Variants in NAA60 observed in about 807,000 individuals in gnomAD.
The protein encoded by NAA60 is N-alpha-acetyltransferase 60.
NAA60 carries 8 observed loss-of-function variants against 26.1 expected under a neutral mutation model. The observed-to-expected ratio is 0.31, with a 90% CI of 0.18 to 0.55. The LOEUF (loss-of-function observed/expected upper bound fraction) is 0.55, where lower values mean the gene tolerates loss of function less well. NAA60 is among the 20% of genes least tolerant of loss of function. The probability of loss-of-function intolerance (pLI) is 0.93; values close to 1 mark genes in which losing one functional copy is unlikely to be tolerated. For missense variants in NAA60, 290 were observed against 311.3 expected, an observed-to-expected ratio of 0.93 and a Z score of 0.51; for synonymous variants, 131 against 122.5, an observed-to-expected ratio of 1.07 and a Z score of -0.46.
intron 2 of NAA60, among the ~76,000 whole-genome samples, chr16:3,450,433 G>A (rs975888332): frequency 5.3e-5 from 8 of 152,166 alleles, no homozygotes; most frequent in Admixed American, 6.5e-5. Context: ...GGGCGCAGTG[G>A]CTCATGCCTG....
At chr16:3,451,955 C>A (rs2034803564) in intron 2 of NAA60, among the ~76,000 whole-genome samples, 1 of 151,412 alleles carries the variant, frequency 6.6e-6, no homozygotes, top group South Asian at 2.1e-4. Context: ...CACCAGTAAT[C>A]CCAGAATCCC....
At position 3,462,060 on chromosome 16, in the gene NAA60, C is replaced by T. The variant is rs562952873; in HGVS notation, c.-7+13520C>T. 6.2e-5 allele frequency among the ~76,000 whole-genome samples: 8 copies of T among 128,724 alleles called. 1 individual carries two copies. The East Asian group carries it at 1.4e-3, about 22-fold the overall frequency. The allele number at this position is 128,724 out of a possible 152,430, so 84.4% of individuals were successfully genotyped here. A position where few individuals can be genotyped will look rare whatever the true frequency, so the allele number is the denominator to read the frequency against. Reference sequence around the variant, plus strand: ...TGAGATGGTGCCACTGCATTCCAGCCGGAGTGATAGAGCCAGACCTTATAT... The same window carrying T: ...TGAGATGGTGCCACTGCATTCCAGCTGGAGTGATAGAGCCAGACCTTATAT... On this transcript the variant is annotated intron_variant, in intron 2 of 7. Transcript: ENST00000407558.
chr16:3,453,141 A>T (rs77209598), intron 2 of NAA60, among the ~76,000 whole-genome samples: 7,677 of 152,070 alleles, frequency 0.05, 613 homozygotes, highest in African/African-American at 0.17. Context: ...TCACGCCTGT[A>T]ATCCTAGCAC....
Position 3,483,463 on chromosome 16 carries a change from A to C in NAA60, c.438A>C (p.Ala146=), listed in dbSNP as rs2036974626. The part of the protein sequence containing the change: ...YLHVLTTNNT[A]INFYENRDFK... ...ATGTCCTCACCACCAACAACACAGCAATAAACTTCTATGAAAACAGAGACT... is the reference window on the plus strand; with the variant it reads ...ATGTCCTCACCACCAACAACACAGCCATAAACTTCTATGAAAACAGAGACT... Residue 146 remains alanine (A), a synonymous_variant, in exon 6 of 8, where the codon GCA becomes GCC. Transcript: ENST00000407558. 8.7e-6 allele frequency: 14 copies of C among 1,613,996 alleles called. No individual in the cohort carries two copies. Among genetic ancestry groups the C allele is most frequent in the Non-Finnish European group, 1.2e-5 (14 of 1,179,884 alleles).
At chr16:3,459,009 A>G (rs929305029) in intron 2 of NAA60, among the ~76,000 whole-genome samples, 3 of 152,150 alleles carry the variant, frequency 2.0e-5, no homozygotes, top group Non-Finnish European at 2.9e-5. Context: ...AAACGTGGAC[A>G]TTGGCCGTTT....
In NAA60 at chr16:3,482,465, C is replaced by T. The variant is rs201338321; in HGVS notation, c.241-37C>T. ...GCTGTGCAGTGAGCCGTGCACCAGA[C>T]GTGTGAGCCTGACTTTCTCTCTGAC... On this transcript the variant is annotated intron_variant, in intron 4 of 7. Transcript: ENST00000407558. The T allele has an allele frequency of 4.6e-6, 7 of 1,513,724 alleles. No homozygotes were observed. The South Asian group carries it at 4.8e-5, about 10-fold the overall frequency. 93.8% of individuals were successfully genotyped at this position (1,513,724 alleles called of 1,614,324 possible).
In NAA60 at chr16:3,448,480, A is replaced by C. The variant is rs1044101570; in HGVS notation, c.-67A>C. On this transcript the variant is annotated 5_prime_UTR_variant, in exon 2 of 8. Transcript: ENST00000407558. ...TCTTTCTCCCCTGCAGCATACAGAA[A>C]GGCTGTACCTGGAGGAAGGAAGTGC... The C allele has an allele frequency of 1.3e-6, 2 of 1,535,422 alleles. No individual in the cohort carries two copies. The highest frequency in any genetic ancestry group is 2.0e-5 in the Admixed American group (1 of 50,950).
chr16:3,473,559 T>C (rs1042707030), intron 2 of NAA60, among the ~76,000 whole-genome samples: 5 of 152,118 alleles, frequency 3.3e-5, no homozygotes, highest in South Asian at 2.1e-4. Flanking sequence ...AAGATGAGAT[T>C]TGGGGAGGGA....
chr16:3,447,031 C>T (rs1393539481), intron 1 of NAA60, among the ~76,000 whole-genome samples: 5 of 151,882 alleles, frequency 3.3e-5, no homozygotes, highest in South Asian at 2.1e-4. Context: ...TAGTAGAGGA[C>T]GGGTTTTCCC....
chr16:3,468,701 C>T (rs781690241), intron 2 of NAA60, among the ~76,000 whole-genome samples: 14 of 152,206 alleles, frequency 9.2e-5, no homozygotes, highest in East Asian at 1.9e-4. Flanking sequence ...CGGAGAACTG[C>T]GATGCAGACC....
intron 2 of NAA60, among the ~76,000 whole-genome samples, chr16:3,474,453 C>T (rs1352987363): frequency 2.0e-5 from 3 of 152,350 alleles, no homozygotes; most frequent in African/African-American, 7.2e-5. Context: ...CTCCAGGAAT[C>T]TGATTAACTA....
chr16:3,484,909 G>A lies in NAA60; in HGVS notation c.*54G>A, dbSNP rs79387519. The stretch of plus-strand genomic sequence containing the variant: ...CACCCTTCGGCCGCCCGCAGAGCCC[G>A]CCTTCCTGTCCATCTGACCCCTTCT... On this transcript the variant is annotated 3_prime_UTR_variant, in exon 7 of 8. Coordinates refer to ENST00000407558, the MANE Select transcript of NAA60 (RefSeq NM_001083601.3). 7.5e-4 allele frequency: 1,163 copies of A among 1,547,644 alleles called. 7 individuals carry two copies. In the African/African-American group the frequency reaches 0.014, roughly 18 times the overall value.
At position 3,485,635 on chromosome 16, in the gene NAA60, C is replaced by T. The variant is rs960337550; in HGVS notation, c.*375C>T. 1 of 456,654 alleles carries T rather than the reference C, an allele frequency of 2.2e-6. No homozygotes were observed. The highest frequency in any genetic ancestry group is 4.4e-6 in the Non-Finnish European group (1 of 226,944). The allele number at this position is 456,654 out of a possible 1,614,324, so 28.3% of individuals were successfully genotyped here. A position where few individuals can be genotyped will look rare whatever the true frequency, so the allele number is the denominator to read the frequency against. On this transcript the variant is annotated 3_prime_UTR_variant, in exon 8 of 8. Coordinates refer to ENST00000407558, the MANE Select transcript of NAA60 (RefSeq NM_001083601.3). ...CGCTGCCTGTTCTTGCAGCTCCTTC[C>T]TGGAAAGCTGGAGGGGACTTTCTCC...
At chr16:3,471,125 C>A (rs962023980) in intron 2 of NAA60, among the ~76,000 whole-genome samples, 1 of 152,098 alleles carries the variant, frequency 6.6e-6, no homozygotes, top group African/African-American at 2.4e-5. Flanking sequence ...ATGTGCAGTC[C>A]CAGGACATGA....
At chr16:3,473,900 A>G (rs1182285076) in intron 2 of NAA60, among the ~76,000 whole-genome samples, 1 of 151,510 alleles carries the variant, frequency 6.6e-6, no homozygotes, top group Non-Finnish European at 1.5e-5. Flanking sequence ...ATGCCTGGCT[A>G]ATTTTTATAT....
chr16:3,450,561 G>C (rs566910256), intron 2 of NAA60, among the ~76,000 whole-genome samples: 31 of 151,968 alleles, frequency 2.0e-4, no homozygotes, highest in Admixed American at 1.8e-3. Context: ...TTAGCCGAGC[G>C]TGGTGGTGGG....
At chr16:3,477,217 G>C (rs982587483) in intron 3 of NAA60, among the ~76,000 whole-genome samples, 2 of 152,206 alleles carry the variant, frequency 1.3e-5, no homozygotes, top group African/African-American at 2.4e-5. Context: ...CAGTGTTTCA[G>C]TATTTGAGGT....
intron 3 of NAA60, among the ~76,000 whole-genome samples, chr16:3,478,043 C>T (rs1404060214): frequency 2.2e-5 from 3 of 139,308 alleles, no homozygotes; most frequent in East Asian, 4.2e-4. Context: ...CCAACCTGAG[C>T]GACAGTGAGA....
At chr16:3,479,267 C>G (rs1054645848) in intron 3 of NAA60, among the ~76,000 whole-genome samples, 4 of 152,160 alleles carry the variant, frequency 2.6e-5, no homozygotes, top group Non-Finnish European at 5.9e-5. Context: ...CATCAGAGAT[C>G]CCCAGTCCTG....
Sources: gnomAD v4.1 joint callset for allele counts (sites outside exome capture counted in the v4.1 genomes callset) on GRCh38, gnomAD v4.1.1 for gene constraint, MANE v1.5 for transcripts, NCBI Gene and HGNC (gene_info 2026-07-23, HGNC 2026-07-21) for gene names.